Variants in XRN2 observed in about 807,000 individuals in gnomAD.
XRN2 encodes 5'-3' exoribonuclease 2.
A neutral mutation model predicts 138.5 loss-of-function variants in XRN2; 44 were observed. The ratio of observed to expected loss-of-function variants is 0.32; its 90% CI spans 0.25 to 0.41. The LOEUF (loss-of-function observed/expected upper bound fraction) is 0.41. XRN2 is among the 10% of genes least tolerant of loss of function. The pLI, the probability that XRN2 is intolerant of heterozygous loss-of-function variation, is 1.00. For missense variants in XRN2, 937 were observed against 1,169.3 expected (o/e 0.80, Z 2.90); for synonymous variants, 354 against 369.4 (o/e 0.96, Z 0.48).
intron 1 of XRN2, among the ~76,000 whole-genome samples, chr20:21,325,675 A>T (rs76860246): frequency 6.6e-6 from 1 of 152,238 alleles, no homozygotes; most frequent in Non-Finnish European, 1.5e-5. Context: ...CAACAATAGT[A>T]TGGCAGGATA....
intron 1 of XRN2, among the ~76,000 whole-genome samples, chr20:21,310,766 A>G (rs893062205): frequency 2.1e-4 from 31 of 149,114 alleles, no homozygotes; most frequent in African/African-American, 7.7e-4. Context: ...TTTTTTTGAG[A>G]TGGAGTCTTG....
intron 15 of XRN2, among the ~76,000 whole-genome samples, chr20:21,343,445 ATTT>A (rs1477114860): frequency 2.0e-5 from 3 of 151,948 alleles, no homozygotes; most frequent in African/African-American, 7.2e-5. Flanking sequence ...TGACTAATAG[ATTT>A]TTATTTGTTG....
rs113426872 is a variant in XRN2, at chr20:21,325,285, C to T, written c.76-994C>T. ...TAGATCTCATAGTCTTAATCTCTTGCTGAGGCTCTGGAAGAGAAAAACAAA... is the reference window on the plus strand; with the variant it reads ...TAGATCTCATAGTCTTAATCTCTTGTTGAGGCTCTGGAAGAGAAAAACAAA... On this transcript the variant is annotated intron_variant, in intron 1 of 29. Transcript: ENST00000377191. 5.8e-4 allele frequency among the ~76,000 whole-genome samples: 89 copies of T among 152,250 alleles called. 1 individual carries two copies. Among genetic ancestry groups the T allele is most frequent in the African/African-American group, 2.0e-3 (82 of 41,536 alleles).
At chr20:21,316,012 G>A (rs1287354768) in intron 1 of XRN2, among the ~76,000 whole-genome samples, 2 of 152,152 alleles carry the variant, frequency 1.3e-5, no homozygotes, top group Non-Finnish European at 1.5e-5. Flanking sequence ...CAGCACTTTG[G>A]GAGGCTGAGG....
At chr20:21,364,268 T>C (rs1289887215) in intron 24 of XRN2, among the ~76,000 whole-genome samples, 1 of 152,216 alleles carries the variant, frequency 6.6e-6, no homozygotes, top group South Asian at 2.1e-4. Flanking sequence ...TCCACTGTTA[T>C]TCATACACTT....
At chr20:21,372,016 C>G (rs1463503100) in intron 27 of XRN2, among the ~76,000 whole-genome samples, 1 of 152,300 alleles carries the variant, frequency 6.6e-6, no homozygotes, top group East Asian at 1.9e-4. Flanking sequence ...TGTGTACTTA[C>G]AAAGTACAAA....
At chr20:21,346,208 T>A (rs2038433602) in intron 16 of XRN2, among the ~76,000 whole-genome samples, 1 of 152,168 alleles carries the variant, frequency 6.6e-6, no homozygotes, top group African/African-American at 2.4e-5. Flanking sequence ...GTGATTGGGG[T>A]GTGTTTAACT....
intron 27 of XRN2, among the ~76,000 whole-genome samples, chr20:21,375,878 G>A (rs887328894): frequency 3.3e-5 from 5 of 149,714 alleles, no homozygotes; most frequent in East Asian, 2.0e-4. Context: ...TCTCTCTGTC[G>A]CCCAGGCTGG....
intron 27 of XRN2, among the ~76,000 whole-genome samples, chr20:21,381,104 CTTT>C (rs2038878106): frequency 6.7e-6 from 1 of 150,120 alleles, no homozygotes; most frequent in East Asian, 2.8e-4. Flanking sequence ...CTCTTCTTTT[CTTT>C]AAGTAATTTT....
At chr20:21,381,835 A>G (rs2122360422) in intron 27 of XRN2, among the ~76,000 whole-genome samples, 159 bp from the exon 28 acceptor site, 1 of 152,202 alleles carries the variant, frequency 6.6e-6, no homozygotes, top group East Asian at 1.9e-4. Context: ...TTAGTTACTT[A>G]CCTTTTTACA....
chr20:21,360,446 G>A (rs2038624634), intron 24 of XRN2, among the ~76,000 whole-genome samples: 1 of 147,786 alleles, frequency 6.8e-6, no homozygotes, highest in Admixed American at 6.7e-5. Context: ...CAGCAGTAGT[G>A]TTGTTAGGTT....
At chr20:21,344,657 T>G (rs2038413574) in intron 16 of XRN2, among the ~76,000 whole-genome samples, 1 of 152,238 alleles carries the variant, frequency 6.6e-6, no homozygotes, top group African/African-American at 2.4e-5. Flanking sequence ...TATGCAGAAA[T>G]CATTCTGTTA....
At chr20:21,384,227 T>A (rs2038914486) in intron 28 of XRN2, among the ~76,000 whole-genome samples, 1 of 152,158 alleles carries the variant, frequency 6.6e-6, no homozygotes. Flanking sequence ...TGCCACATTG[T>A]TTGGGTTCTT....
rs1006474526 is a variant in XRN2 at position 21,328,058 on chromosome 20, C to T, written c.316-501C>T. Among the ~76,000 whole-genome samples, 9 of 151,984 alleles carry T rather than the reference C, an allele frequency of 5.9e-5. No homozygotes were observed. The East Asian group carries it at 7.7e-4, about 13-fold the overall frequency. ...CTTATTGTGGGAAATAGAAGTGCAC[C>T]GAGATTCTTCACATAAAGAAATAGT... On this transcript the variant is annotated intron_variant, in intron 3 of 29. Coordinates refer to ENST00000377191, the MANE Select transcript of XRN2 (RefSeq NM_012255.5).
At chr20:21,349,091 A>G (rs1306947766) in intron 19 of XRN2, among the ~76,000 whole-genome samples, 1 of 152,214 alleles carries the variant, frequency 6.6e-6, no homozygotes, top group African/African-American at 2.4e-5. Context: ...AGTGAGACCC[A>G]GCCGGGAAGT....
At chr20:21,344,476 G>A (rs1600696131) in intron 16 of XRN2, among the ~76,000 whole-genome samples, 1 of 152,042 alleles carries the variant, frequency 6.6e-6, no homozygotes, top group Non-Finnish European at 1.5e-5. Flanking sequence ...GCACAAGATC[G>A]GCTAGATATC....
chr20:21,346,891 A>G (rs902949181), intron 17 of XRN2, among the ~76,000 whole-genome samples: 1 of 152,176 alleles, frequency 6.6e-6, no homozygotes, highest in Non-Finnish European at 1.5e-5. Context: ...TAGTGGGATT[A>G]CAGGCATGAA....
At chr20:21,363,536 T>G (rs1014960998) in intron 24 of XRN2, among the ~76,000 whole-genome samples, 2 of 152,212 alleles carry the variant, frequency 1.3e-5, no homozygotes, top group Admixed American at 1.3e-4. Flanking sequence ...ACAGAAAATC[T>G]GAGCTAAAGA....
At chr20:21,318,256 A>G (rs2037987122) in intron 1 of XRN2, among the ~76,000 whole-genome samples, 1 of 152,152 alleles carries the variant, frequency 6.6e-6, no homozygotes, top group Non-Finnish European at 1.5e-5. Flanking sequence ...TTATAAGGTT[A>G]GCAGTAATGT....
Sources: allele counts gnomAD v4.1 joint callset (sites outside exome capture counted in the v4.1 genomes callset), GRCh38; gene constraint gnomAD v4.1.1; transcripts MANE v1.5; gene names NCBI Gene and HGNC (gene_info 2026-07-23, HGNC 2026-07-21).